OR51B5: variants seen among roughly 807,000 people sequenced by gnomAD.
The protein encoded by OR51B5 is olfactory receptor 51B5.
For missense variants in OR51B5, 456 were observed against 374.6 expected (o/e 1.22, Z -1.79); for synonymous variants, 186 against 144.8 (o/e 1.28, Z -2.04).
chr11:5,460,679 T>G (rs1851036829), intron 1 of OR51B5, among the ~76,000 whole-genome samples: 1 of 152,214 alleles, frequency 6.6e-6, no homozygotes, highest in South Asian at 2.1e-4. Context: ...CCAGAATTCT[T>G]TCCCTGGTTC....
intron 1 of OR51B5, among the ~76,000 whole-genome samples, chr11:5,413,855 C>T (rs986945636): frequency 5.9e-5 from 9 of 151,580 alleles, no homozygotes; most frequent in Non-Finnish European, 1.2e-4. Context: ...TTGGAAAACA[C>T]TCTGCAGGAT....
intron 1 of OR51B5, among the ~76,000 whole-genome samples, chr11:5,476,260 T>C (rs1851303183): frequency 6.6e-6 from 1 of 152,230 alleles, no homozygotes; most frequent in Non-Finnish European, 1.5e-5. Flanking sequence ...CTCGTTTAAA[T>C]TTGAAAACAT....
chr11:5,429,514 A>C (rs1850503885), intron 1 of OR51B5, among the ~76,000 whole-genome samples: 1 of 152,206 alleles, frequency 6.6e-6, no homozygotes, highest in Non-Finnish European at 1.5e-5. Context: ...ATCACTGATC[A>C]ATCAGCACAG....
intron 1 of OR51B5, among the ~76,000 whole-genome samples, chr11:5,460,180 G>A (rs989361936): frequency 2.0e-5 from 3 of 152,180 alleles, no homozygotes; most frequent in African/African-American, 7.2e-5. Context: ...ATAAGTGGGA[G>A]CTAAATGATG....
chr11:5,400,344 T>G (rs6578639), intron 1 of OR51B5, among the ~76,000 whole-genome samples: 142,536 of 152,124 alleles, frequency 0.94, 67,211 homozygotes, highest in Non-Finnish European at 0.98. Flanking sequence ...AATAAATTAT[T>G]TTAATATCCT....
At chr11:5,458,225 G>A (rs960283446) in intron 1 of OR51B5, among the ~76,000 whole-genome samples, 1 of 152,112 alleles carries the variant, frequency 6.6e-6, no homozygotes, top group Non-Finnish European at 1.5e-5. Flanking sequence ...TGAATAAGGA[G>A]TCTTTTGCCC....
chr11:5,431,179 C>G, intron 1 of OR51B5: 1 of 369,038 alleles, frequency 2.7e-6, no homozygotes, highest in South Asian at 2.0e-5. Context: ...GCAGATAATA[C>G]GGGGCAGGGT....
At chr11:5,491,712 A>G (rs1851583300) in intron 1 of OR51B5, among the ~76,000 whole-genome samples, 1 of 152,222 alleles carries the variant, frequency 6.6e-6, no homozygotes, top group South Asian at 2.1e-4. Flanking sequence ...AGCAATGCAA[A>G]TGACTAACAC....
chr11:5,441,002 G>A, intron 1 of OR51B5: 1 of 1,614,014 alleles, frequency 6.2e-7, no homozygotes, highest in Non-Finnish European at 8.5e-7. Flanking sequence ...CATTGCCTTT[G>A]CAGAAGGGCA....
At chr11:5,433,730 G>A (rs1159545732) in intron 1 of OR51B5, among the ~76,000 whole-genome samples, 2 of 152,104 alleles carry the variant, frequency 1.3e-5, no homozygotes, top group African/African-American at 2.4e-5. Context: ...TACTTGGGAA[G>A]CTGAAGCAGA....
At chr11:5,445,658 T>C (rs1328857539) in intron 1 of OR51B5, among the ~76,000 whole-genome samples, 1 of 151,432 alleles carries the variant, frequency 6.6e-6, no homozygotes, top group Non-Finnish European at 1.5e-5. Flanking sequence ...TCTAGAAATA[T>C]GTTATAAACA....
chr11:5,381,001 A>T (rs78465164), intron 1 of OR51B5, among the ~76,000 whole-genome samples: 8,545 of 152,122 alleles, frequency 0.056, 297 homozygotes, highest in Middle Eastern at 0.14. Flanking sequence ...CTCCTGAAGG[A>T]ATCTCCTACT....
chr11:5,492,177 C>T (rs973356010), intron 1 of OR51B5, among the ~76,000 whole-genome samples: 6 of 152,122 alleles, frequency 3.9e-5, no homozygotes, highest in Admixed American at 3.3e-4. Context: ...TTCCATAGCA[C>T]ATCTCCAGAA....
intron 1 of OR51B5, among the ~76,000 whole-genome samples, chr11:5,497,749 G>C (rs948955023): frequency 1.3e-5 from 2 of 152,072 alleles, no homozygotes; most frequent in Admixed American, 1.3e-4. Context: ...CTCTCACCAC[G>C]TTTGCCTCCA....
At chr11:5,503,901 C>T (rs1326869782) in intron 1 of OR51B5, among the ~76,000 whole-genome samples, 2 of 152,082 alleles carry the variant, frequency 1.3e-5, no homozygotes, top group Non-Finnish European at 2.9e-5. Flanking sequence ...TGGAATTAGA[C>T]TGTCTAATCC....
intron 1 of OR51B5, among the ~76,000 whole-genome samples, chr11:5,488,260 G>A (rs1851525002): frequency 6.6e-6 from 1 of 152,096 alleles, no homozygotes; most frequent in Non-Finnish European, 1.5e-5. Context: ...GAAGGCCTCT[G>A]GGAAGCAGGG....
intron 1 of OR51B5, among the ~76,000 whole-genome samples, chr11:5,408,991 C>G (rs1322135590): frequency 6.6e-6 from 1 of 151,924 alleles, no homozygotes; most frequent in Non-Finnish European, 1.5e-5. Context: ...GTAATAAACC[C>G]AACTTGTTGA....
chr11:5,439,524 G>T (rs999177239), intron 1 of OR51B5, among the ~76,000 whole-genome samples: 1 of 152,120 alleles, frequency 6.6e-6, no homozygotes, highest in Non-Finnish European at 1.5e-5. Context: ...TAGGTTAAAA[G>T]TTCTCAACCT....
intron 1 of OR51B5, among the ~76,000 whole-genome samples, chr11:5,504,306 C>G (rs1846342505): frequency 6.6e-6 from 1 of 152,188 alleles, no homozygotes; most frequent in African/African-American, 2.4e-5. Context: ...CACATCAGCT[C>G]TCAGTATTGC....
Sources: allele counts gnomAD v4.1 joint callset (sites outside exome capture counted in the v4.1 genomes callset), GRCh38; gene constraint gnomAD v4.1.1; transcripts MANE v1.5; gene names NCBI Gene and HGNC (gene_info 2026-07-23, HGNC 2026-07-21).